JADE3: variants seen among roughly 807,000 people sequenced by gnomAD.
JADE3 encodes jade family PHD finger 3.
Under a neutral mutation model 50.1 loss-of-function variants are expected in JADE3, and 2 were observed. That is an observed-to-expected ratio of 0.04 (90% CI 0.02 to 0.13). JADE3 has a LOEUF of 0.13. Among genes scored for constraint, JADE3 ranks in the 10% least tolerant of loss-of-function variants. JADE3 has a pLI of 1.00. For synonymous variants in JADE3, 218 were observed against 232.9 expected (o/e 0.94, Z 0.58); for missense variants, 475 against 634.4 (o/e 0.75, Z 2.70).
intron 1 of JADE3, among the ~76,000 whole-genome samples, chrX:46,936,274 C>T (rs782292461): frequency 1.2e-4 from 13 of 111,717 alleles, no homozygotes; most frequent in African/African-American, 4.2e-4. Context: ...CCATCTCAGC[C>T]TCCCAAGAAT....
chrX:46,974,739 TA>T (rs781920021), intron 1 of JADE3, among the ~76,000 whole-genome samples: 11 of 112,714 alleles, frequency 9.8e-5, no homozygotes, highest in Non-Finnish European at 1.9e-4. Context: ...TTCCTTTTGA[TA>T]AAATTGCCTT....
chrX:47,009,466 G>C (rs1351143807), intron 4 of JADE3, among the ~76,000 whole-genome samples: 5 of 111,470 alleles, frequency 4.5e-5, no homozygotes, highest in African/African-American at 1.6e-4. Context: ...CAGTAAATAT[G>C]TGTTGTAAGG....
intron 4 of JADE3, among the ~76,000 whole-genome samples, chrX:47,017,075 A>T (rs1368592384): frequency 8.9e-6 from 1 of 111,814 alleles, no homozygotes; most frequent in Non-Finnish European, 1.9e-5. Flanking sequence ...AAATAAGAAT[A>T]GATAGAGCAC....
In JADE3 at chrX:47,012,063, A is replaced by AT. The variant is rs782140266; in HGVS notation, c.285-12655dup. On this transcript the variant is annotated intron_variant, in intron 4 of 10. Coordinates refer to ENST00000614628, the MANE Select transcript of JADE3 (RefSeq NM_014735.5). ...GACCATCAGTGTTCTAGAATGTCCC[A>AT]TTTTTTAATACTGCATCCATGCACA... Among the ~76,000 whole-genome samples the AT allele has an allele frequency of 9.0e-5, 10 of 111,570 alleles. No individual in the cohort carries two copies. The South Asian group carries it at 3.8e-3, about 42-fold the overall frequency.
At chrX:46,932,976 A>G (rs189468354) in intron 1 of JADE3, among the ~76,000 whole-genome samples, 4 of 112,258 alleles carry the variant, frequency 3.6e-5, no homozygotes, top group African/African-American at 9.7e-5. Flanking sequence ...TGGCCATAAA[A>G]TAACTATATC....
At chrX:47,009,173 A>C (rs781795314) in intron 4 of JADE3, among the ~76,000 whole-genome samples, 1 of 110,933 alleles carries the variant, frequency 9.0e-6, no homozygotes, top group South Asian at 3.9e-4. Context: ...AAGTAAAAAA[A>C]TTAGCTGGGC....
At chrX:46,995,956 G>C (rs1473160713) in intron 3 of JADE3, among the ~76,000 whole-genome samples, 2 of 112,601 alleles carry the variant, frequency 1.8e-5, no homozygotes, top group Non-Finnish European at 3.8e-5. Flanking sequence ...ATAGTCATTG[G>C]ATTCAGTTTT....
chrX:46,995,223 GT>G (rs1436553290), intron 3 of JADE3, among the ~76,000 whole-genome samples: 24 of 110,173 alleles, frequency 2.2e-4, no homozygotes, highest in Non-Finnish European at 3.4e-4. Context: ...TAGAGACGTG[GT>G]TTCACCGTGT....
At chrX:47,037,926 C>G (rs1318002792) in intron 7 of JADE3, among the ~76,000 whole-genome samples, 1 of 111,322 alleles carries the variant, frequency 9.0e-6, no homozygotes, top group African/African-American at 3.3e-5. Flanking sequence ...CGTCACCCTC[C>G]TCCTGCCCTG....
chrX:46,989,047 T>G (rs1927924140), intron 3 of JADE3, among the ~76,000 whole-genome samples: 1 of 110,978 alleles, frequency 9.0e-6, no homozygotes, highest in South Asian at 3.8e-4. Flanking sequence ...ACCATCTTGG[T>G]CAGGCTGTTC....
In JADE3 at chrX:46,998,366, G is replaced by A. The variant is rs1298103226; in HGVS notation, c.284+89G>A. 6.1e-6 allele frequency: 5 copies of A among 816,287 alleles called. No individual in the cohort carries two copies. The African/African-American group carries it at 1.0e-4, about 17-fold the overall frequency. 67.3% of individuals were successfully genotyped at this position (816,287 alleles called of 1,213,427 possible). A position where few individuals can be genotyped will look rare whatever the true frequency, so the allele number is the denominator to read the frequency against. ...GGAGAAACTTAGAGTGGCTAATTAT[G>A]CATTTATAGTACAAAGTCACATACC... On this transcript the variant is annotated intron_variant, in intron 4 of 10. Transcript: ENST00000614628.
chrX:46,991,355 A>G (rs1157949907), intron 3 of JADE3, among the ~76,000 whole-genome samples: 2 of 108,863 alleles, frequency 1.8e-5, no homozygotes, highest in Non-Finnish European at 3.8e-5. Flanking sequence ...AAGTGCTGGG[A>G]TTACAGGTGT....
chrX:47,018,245 C>T (rs1556363401), intron 4 of JADE3, among the ~76,000 whole-genome samples: 1 of 111,319 alleles, frequency 9.0e-6, no homozygotes, highest in African/African-American at 3.3e-5. Flanking sequence ...TCTTCCCACA[C>T]CTCCTTTTTC....
rs183291835 is a variant in JADE3 at position 46,959,075 on chromosome X, G to T, written c.-11-25809G>T. Among the ~76,000 whole-genome samples, 8 of 112,136 alleles carry T rather than the reference G, an allele frequency of 7.1e-5. No homozygotes were observed. In the East Asian group the frequency reaches 2.0e-3, roughly 27 times the overall value. ...ATTCCAGTTACTATTTTTCTATAAGGATTCTTAGTTATACATCTCAGAGTC... is the reference window on the plus strand; with the variant it reads ...ATTCCAGTTACTATTTTTCTATAAGTATTCTTAGTTATACATCTCAGAGTC... On this transcript the variant is annotated intron_variant, in intron 1 of 10. Transcript: ENST00000614628.
At chrX:46,941,062 T>C (rs1219466081) in intron 1 of JADE3, among the ~76,000 whole-genome samples, 1 of 110,342 alleles carries the variant, frequency 9.1e-6, no homozygotes, top group Non-Finnish European at 1.9e-5. Context: ...TAGTACCTGA[T>C]AGGTAGTGTT....
intron 1 of JADE3, among the ~76,000 whole-genome samples, chrX:46,949,702 A>G (rs1926961970): frequency 8.9e-6 from 1 of 111,898 alleles, no homozygotes. Flanking sequence ...TGTCCCTGAA[A>G]GTATCATTGT....
intron 4 of JADE3, among the ~76,000 whole-genome samples, chrX:47,018,715 A>G (rs1207523319): frequency 1.8e-5 from 2 of 111,978 alleles, no homozygotes; most frequent in Non-Finnish European, 3.8e-5. Flanking sequence ...TGCTGATGAT[A>G]ATTTGCCCCC....
chrX:46,979,971 C>T (rs1927708398), intron 1 of JADE3, among the ~76,000 whole-genome samples: 1 of 105,310 alleles, frequency 9.5e-6, no homozygotes, highest in African/African-American at 3.5e-5. Context: ...CCTCCGCCTC[C>T]CAGGTTCAAG....
intron 1 of JADE3, among the ~76,000 whole-genome samples, chrX:46,980,531 G>A (rs1184809464): frequency 1.8e-5 from 2 of 110,070 alleles, no homozygotes; most frequent in Non-Finnish European, 3.8e-5. Flanking sequence ...AGTTTATTTG[G>A]GCCAAGTTTG....
Sources: allele counts gnomAD v4.1 joint callset (sites outside exome capture counted in the v4.1 genomes callset), GRCh38; gene constraint gnomAD v4.1.1; transcripts MANE v1.5; gene names NCBI Gene and HGNC (gene_info 2026-07-23, HGNC 2026-07-21).